The following ENAM variants were observed in gnomAD, a reference collection of about 807,000 sequenced individuals.
The protein encoded by ENAM is enamelin.
A neutral mutation model predicts 33.6 loss-of-function variants in ENAM; 21 were observed. The observed-to-expected ratio is 0.63, with a 90% confidence interval of 0.44 to 0.90. The LOEUF is 0.90. Among genes scored for constraint, ENAM ranks in the 40% least tolerant of loss-of-function variants. The pLI, the probability that ENAM is intolerant of heterozygous loss-of-function variation, is 0.00. For missense variants in ENAM, 1,388 were observed against 1,366.9 expected, an observed-to-expected ratio of 1.02 and a Z score of -0.24; for synonymous variants, 473 against 468.4, an observed-to-expected ratio of 1.01 and a Z score of -0.13.
Position 70,645,059 on chromosome 4 carries a change from C to T in ENAM, c.*204C>T. ...GGGATCACCAGATCTAGCACTTTCACAGATTAGTGCAGACCTTAAAAAAGC... is the reference window on the plus strand; with the variant it reads ...GGGATCACCAGATCTAGCACTTTCATAGATTAGTGCAGACCTTAAAAAAGC... On this transcript the variant is annotated 3_prime_UTR_variant, in exon 9 of 9. Transcript: ENST00000396073. 1 of 610,226 alleles carries T rather than the reference C, an allele frequency of 1.6e-6. No homozygotes were observed. The highest frequency in any genetic ancestry group is 2.9e-6 in the Non-Finnish European group (1 of 342,466). 37.8% of individuals were successfully genotyped at this position (610,226 alleles called of 1,614,324 possible). A position where few individuals can be genotyped will look rare whatever the true frequency, so the allele number is the denominator to read the frequency against.
In ENAM at chr4:70,635,902, A is replaced by G; in HGVS notation, c.534+8A>G. 2 of 1,562,528 alleles carry G rather than the reference A, an allele frequency of 1.3e-6. No individual in the cohort carries two copies. Among genetic ancestry groups the G allele is most frequent in the South Asian group, 2.3e-5 (2 of 88,238 alleles). ...CCATGGCAAATTCCACAGGTGAGAAATTTTTTTTTCTTTACACTGTAAGTG... is the reference window on the plus strand; with the variant it reads ...CCATGGCAAATTCCACAGGTGAGAAGTTTTTTTTTCTTTACACTGTAAGTG... On this transcript the variant is annotated splice_region_variant and intron_variant, in intron 7 of 8. Transcript: ENST00000396073.
rs1191646719 is a variant in ENAM at position 70,631,670 on chromosome 4, G to A, written c.55G>A (p.Val19Ile). Residue 19 changes from valine to isoleucine, a missense_variant and splice_region_variant, in exon 3 of 9, where the codon GTA becomes ATA. By Grantham distance (29) the Val-to-Ile change is conservative. Coordinates refer to ENST00000396073, the MANE Select transcript of ENAM (RefSeq NM_031889.3). ...GTSFPKLDNLVPKGKMKILLV... is the reference protein window; with the variant it reads ...GTSFPKLDNLIPKGKMKILLV... ...AATAAAAATCAATTTTTTATTCTAGGTACCAAAAGGCAAAATGAAGATTCT... is the reference window on the plus strand; with the variant it reads ...AATAAAAATCAATTTTTTATTCTAGATACCAAAAGGCAAAATGAAGATTCT... The A allele has an allele frequency of 1.9e-6, 3 of 1,609,778 alleles. No individual in the cohort carries two copies. Among genetic ancestry groups the A allele is most frequent in the African/African-American group, 1.3e-5 (1 of 74,836 alleles).
rs1738405738 is a variant in ENAM, at chr4:70,634,571, G to A, written c.471+3G>A. On this transcript the variant is annotated splice_donor_region_variant and intron_variant, in intron 6 of 8. Coordinates refer to ENST00000396073, the MANE Select transcript of ENAM (RefSeq NM_031889.3). ...AAGAGGAAGCTCAACCCCCTCAGGTGAGACTTGCACAGAAAAATTCCATAT... is the reference window on the plus strand; with the variant it reads ...AAGAGGAAGCTCAACCCCCTCAGGTAAGACTTGCACAGAAAAATTCCATAT... 6.2e-7 allele frequency: 1 copy of A among 1,614,026 alleles called. No individual in the cohort carries two copies. The highest frequency in any genetic ancestry group is 8.5e-7 in the Non-Finnish European group (1 of 1,179,970).
Position 70,644,731 on chromosome 4 carries a change from A to G in ENAM, c.3305A>G (p.Glu1102Gly). Reference sequence around the variant, plus strand: ...AACACATTGGTTGAGTTAGCTACTGAGGAACAATTTAAGAGTATAAATGTA... The same window carrying G: ...AACACATTGGTTGAGTTAGCTACTGGGGAACAATTTAAGAGTATAAATGTA... ...NPNTLVELAT[E>G]EQFKSINVDP... is the part of the protein sequence containing the mutation. Residue 1102 changes from glutamate to glycine, a missense_variant, in exon 9 of 9, where the codon GAG becomes GGG. Transcript: ENST00000396073. The G allele has an allele frequency of 6.2e-7, 1 of 1,614,078 alleles. No individual in the cohort carries two copies. The highest frequency in any genetic ancestry group is 8.5e-7 in the Non-Finnish European group (1 of 1,179,940).
rs575663379 is a variant in ENAM, at chr4:70,646,663, T to C, written c.*1808T>C. 1 of 152,144 alleles carries C rather than the reference T, an allele frequency of 6.6e-6. No homozygotes were observed. The highest frequency in any genetic ancestry group is 1.5e-5 in the Non-Finnish European group (1 of 68,030). The allele number at this position is 152,144 out of a possible 1,614,324, so 9.4% of individuals were successfully genotyped here. On this transcript the variant is annotated 3_prime_UTR_variant, in exon 9 of 9. Transcript: ENST00000396073. ...CATAGAATTTCAGCGTTAGAAGGGA[T>C]CTTAGAGGTAGATTATCCAGGCCAT...
In ENAM at chr4:70,646,578, T is replaced by G. The variant is rs1196367420; in HGVS notation, c.*1723T>G. ...TAGTCTGCTTTTCCTGAAAGGTGAC[T>G]GTCTAGGATGCTGAATGAGCCACCA... On this transcript the variant is annotated 3_prime_UTR_variant, in exon 9 of 9. Transcript: ENST00000396073. The G allele has an allele frequency of 6.6e-6, 1 of 152,196 alleles. No homozygotes were observed. Among genetic ancestry groups the G allele is most frequent in the Non-Finnish European group, 1.5e-5 (1 of 68,040 alleles). 9.4% of individuals were successfully genotyped at this position (152,196 alleles called of 1,614,324 possible). A position where few individuals can be genotyped will look rare whatever the true frequency, so the allele number is the denominator to read the frequency against.
In ENAM at chr4:70,646,779, CTT is replaced by C. The variant is rs1738772375; in HGVS notation, c.*1927_*1928del. 6.6e-6 allele frequency: 1 copy of C among 152,152 alleles called. No individual in the cohort carries two copies. Among genetic ancestry groups the C allele is most frequent in the Admixed American group, 6.5e-5 (1 of 15,274 alleles). 9.4% of individuals were successfully genotyped at this position (152,152 alleles called of 1,614,324 possible). A position where few individuals can be genotyped will look rare whatever the true frequency, so the allele number is the denominator to read the frequency against. Reference sequence around the variant, plus strand: ...ATTAACTTATTCTGTATAAAACTGTCTTTTAAGAATTATCCTTTCAAAATAAA... The same window carrying C: ...ATTAACTTATTCTGTATAAAACTGTCTTAAGAATTATCCTTTCAAAATAAA... On this transcript the variant is annotated 3_prime_UTR_variant, in exon 9 of 9. Coordinates refer to ENST00000396073, the MANE Select transcript of ENAM (RefSeq NM_031889.3).
rs766150362 is a variant in ENAM, at chr4:70,644,653, A to G, written c.3227A>G (p.Asp1076Gly). The G allele has an allele frequency of 1.2e-6, 2 of 1,614,122 alleles. No homozygotes were observed. ...HSSTTGTPSSDGRQSPFDGDS... is the reference protein window; with the variant it reads ...HSSTTGTPSSGGRQSPFDGDS... ...TCCACCACCGGAACTCCATCTAGCG[A>G]TGGAAGGCAAAGCCCATTTGATGGG... Residue 1076 changes from aspartate to glycine, a missense_variant, in exon 9 of 9, where the codon GAT becomes GGT. Coordinates refer to ENST00000396073, the MANE Select transcript of ENAM (RefSeq NM_031889.3).
chr4:70,644,915 T>C lies in ENAM; in HGVS notation c.*60T>C. The C allele has an allele frequency of 1.4e-6, 2 of 1,473,228 alleles. No homozygotes were observed. The highest frequency in any genetic ancestry group is 3.4e-5 in the Admixed American group (2 of 58,110). 91.3% of individuals were successfully genotyped at this position (1,473,228 alleles called of 1,614,324 possible). A position where few individuals can be genotyped will look rare whatever the true frequency, so the allele number is the denominator to read the frequency against. ...AATCACTGACATTCTATACCAATGG[T>C]TCCCAAAATTTTTTCCCCAAGACTT... On this transcript the variant is annotated 3_prime_UTR_variant, in exon 9 of 9. Transcript: ENST00000396073.
Position 70,644,932 on chromosome 4 carries a change from C to A in ENAM, c.*77C>A. 1 of 1,258,258 alleles carries A rather than the reference C, an allele frequency of 7.9e-7. No individual in the cohort carries two copies. The highest frequency in any genetic ancestry group is 1.2e-6 in the Non-Finnish European group (1 of 864,480). The allele number at this position is 1,258,258 out of a possible 1,614,324, so 77.9% of individuals were successfully genotyped here. A position where few individuals can be genotyped will look rare whatever the true frequency, so the allele number is the denominator to read the frequency against. On this transcript the variant is annotated 3_prime_UTR_variant, in exon 9 of 9. Coordinates refer to ENST00000396073, the MANE Select transcript of ENAM (RefSeq NM_031889.3). ...ACCAATGGTTCCCAAAATTTTTTCCCCAAGACTTAATTAAGTGTCTGACTG... is the reference window on the plus strand; with the variant it reads ...ACCAATGGTTCCCAAAATTTTTTCCACAAGACTTAATTAAGTGTCTGACTG...
Position 70,644,565 on chromosome 4 carries a change from C to T in ENAM, c.3139C>T (p.Gln1047Ter). ...AGAAAATGAGAGTGAGAGGCAACAG[C>T]AAAGACCATCTAACATTCTGCATTT... ...VQENESERQQ[Q>*]RPSNILHLPC... The change falls in exon 9 of 9, where the codon CAA becomes TAA. Residue 1047 changes from glutamine to a stop codon, truncating the protein, a stop_gained. Coordinates refer to ENST00000396073, the MANE Select transcript of ENAM (RefSeq NM_031889.3). LOFTEE classifies it high-confidence loss of function. 1 of 1,613,626 alleles carries T rather than the reference C, an allele frequency of 6.2e-7. No homozygotes were observed. The highest frequency in any genetic ancestry group is 8.5e-7 in the Non-Finnish European group (1 of 1,179,650).
rs1250119380 is a variant in ENAM, at chr4:70,644,786, A to C, written c.3360A>C (p.Pro1120=). 1.2e-6 allele frequency: 2 copies of C among 1,614,146 alleles called. No homozygotes were observed. The highest frequency in any genetic ancestry group is 2.7e-5 in the African/African-American group (2 of 75,044). ...CACTTGATGCAGATGAACACAGTCC[A>C]TTTGAATTCCTTCAAAGAGGGACCA... The part of the protein sequence containing the change: ...VDPLDADEHS[P]FEFLQRGTNV... Residue 1120 remains proline, a synonymous_variant, in exon 9 of 9, where the codon CCA becomes CCC. Transcript: ENST00000396073.
rs748612079 is a variant in ENAM at position 70,631,838 on chromosome 4, C to G, written c.124-11C>G. The G allele has an allele frequency of 6.2e-7, 1 of 1,613,960 alleles. No homozygotes were observed. Among genetic ancestry groups the G allele is most frequent in the Non-Finnish European group, 8.5e-7 (1 of 1,179,848 alleles). On this transcript the variant is annotated splice_polypyrimidine_tract_variant and intron_variant, in intron 3 of 8. Coordinates refer to ENST00000396073, the MANE Select transcript of ENAM (RefSeq NM_031889.3). ...GTTCTGCATTTGTCACTGACATTCT[C>G]TTACTTCCAGATGCACATGCCCCGA... is the stretch of plus-strand genomic sequence containing the variant.
intron 8 of ENAM, among the ~76,000 whole-genome samples, chr4:70,641,365 CTTTT>C (rs1738592669): frequency 6.7e-6 from 1 of 149,724 alleles, no homozygotes; most frequent in Admixed American, 6.6e-5. Context: ...TTCTTTCTTT[CTTTT>C]ATTTTTTTTT....
Position 70,643,049 on chromosome 4 carries a change from C to G in ENAM, c.1623C>G (p.Ser541Arg). 6.2e-7 allele frequency: 1 copy of G among 1,613,976 alleles called. No homozygotes were observed. Among genetic ancestry groups the G allele is most frequent in the Admixed American group, 1.7e-5 (1 of 60,008 alleles). The change falls in exon 9 of 9, where the codon AGC (serine) becomes AGG (arginine). Residue 541 changes from serine (S) to arginine (R), a missense_variant. Physicochemically the swap from Ser to Arg is moderately radical, Grantham distance 110 (BLOSUM62 -1). Transcript: ENST00000396073. ...SETNQSELKH[S>R]SYQPAVYPEE... ...CTAATCAGTCAGAATTAAAGCACAG[C>G]TCATATCAGCCTGCTGTATACCCTG...
Position 70,635,888 on chromosome 4 carries a change from T to G in ENAM, c.528T>G (p.Ile176Met), listed in dbSNP as rs763746453. The G allele has an allele frequency of 2.5e-6, 4 of 1,599,728 alleles. No individual in the cohort carries two copies. The South Asian group carries it at 4.5e-5, about 18-fold the overall frequency. Residue 176 changes from isoleucine to methionine, a missense_variant, in exon 7 of 9, where the codon ATT becomes ATG. Ile to Met is a conservative substitution (Grantham distance 10). Transcript: ENST00000396073. ...CCTATCAACAACCACCATGGCAAATTCCACAGGTGAGAAATTTTTTTTTCT... is the reference window on the plus strand; with the variant it reads ...CCTATCAACAACCACCATGGCAAATGCCACAGGTGAGAAATTTTTTTTTCT... ...LFPYQQPPWQ[I>M]PQRLPPPGYG...
In ENAM at chr4:70,642,999, A is replaced by G. The variant is rs140325677; in HGVS notation, c.1573A>G (p.Arg525Gly). ...GCCCAAAGGGATTGTTTTAGGGTCA[A>G]GAAGGATGCCATATGAATCAGAAAC... ...NLPKGIVLGS[R>G]RMPYESETNQ... Residue 525 changes from arginine (R) to glycine (G), a missense_variant, in exon 9 of 9, where the codon AGA becomes GGA. Transcript: ENST00000396073. 6 of 1,614,080 alleles carry G rather than the reference A, an allele frequency of 3.7e-6. No individual in the cohort carries two copies. The African/African-American group carries it at 5.3e-5, about 14-fold the overall frequency.
At chr4:70,637,256 T>C (rs779121781) in intron 7 of ENAM, among the ~76,000 whole-genome samples, 1 of 152,200 alleles carries the variant, frequency 6.6e-6, no homozygotes, top group Non-Finnish European at 1.5e-5. Flanking sequence ...CAAGTTTGAT[T>C]AGGAGAATTA....
At position 70,644,678 on chromosome 4, in the gene ENAM, G is replaced by A; in HGVS notation, c.3252G>A (p.Gly1084=). 2 of 1,614,108 alleles carry A rather than the reference G, an allele frequency of 1.2e-6. No homozygotes were observed. The highest frequency in any genetic ancestry group is 8.5e-7 in the Non-Finnish European group (1 of 1,180,020). ...SSDGRQSPFD[G]DSITPTENPN... ...ATGGAAGGCAAAGCCCATTTGATGGGGATTCAATTACGCCTACTGAAAATC... is the reference window on the plus strand; with the variant it reads ...ATGGAAGGCAAAGCCCATTTGATGGAGATTCAATTACGCCTACTGAAAATC... The change falls in exon 9 of 9, where the codon GGG becomes GGA. Residue 1084 remains glycine, a synonymous_variant. Transcript: ENST00000396073.
Sources: allele counts gnomAD v4.1 joint callset (sites outside exome capture counted in the v4.1 genomes callset), GRCh38; gene constraint gnomAD v4.1.1; transcripts MANE v1.5; gene names NCBI Gene and HGNC (gene_info 2026-07-23, HGNC 2026-07-21).